MAP3K5: variants seen among roughly 807,000 people sequenced by gnomAD.
MAP3K5 encodes mitogen-activated protein kinase kinase kinase 5.
In MAP3K5, 56 loss-of-function variants were observed where a neutral mutation model predicts 158.7. The ratio of observed to expected loss-of-function variants is 0.35; its 90% CI spans 0.28 to 0.44. The LOEUF (loss-of-function observed/expected upper bound fraction) is 0.44. MAP3K5 is among the 20% of genes least tolerant of loss of function. The pLI is 1.00. For synonymous variants in MAP3K5, 579 were observed against 601.7 expected, an observed-to-expected ratio of 0.96 and a Z score of 0.55; for missense variants, 1,294 against 1,674.8, an observed-to-expected ratio of 0.77 and a Z score of 3.97.
chr6:136,682,535 G>T (rs1444849285), intron 7 of MAP3K5, among the ~76,000 whole-genome samples: 1 of 152,180 alleles, frequency 6.6e-6, no homozygotes, highest in Non-Finnish European at 1.5e-5. Context: ...GAATAGCACT[G>T]TCACTGACGT....
intron 1 of MAP3K5, 67 bp downstream of exon 1, chr6:136,791,643 C>G: frequency 6.5e-7 from 1 of 1,539,864 alleles, no homozygotes; most frequent in Non-Finnish European, 8.9e-7. Context: ...AAATGAAATG[C>G]CCCGAAGACC....
intron 24 of MAP3K5, among the ~76,000 whole-genome samples, chr6:136,582,956 A>G (rs1043823109): frequency 1.1e-4 from 16 of 152,308 alleles, no homozygotes; most frequent in South Asian, 4.1e-4. Flanking sequence ...TAGCAACTCA[A>G]TTTTGGAGAG....
intron 1 of MAP3K5, among the ~76,000 whole-genome samples, chr6:136,759,487 T>C (rs1475117043): frequency 6.9e-6 from 1 of 144,056 alleles, no homozygotes; most frequent in African/African-American, 2.6e-5. Context: ...TATATAAAGT[T>C]TGAGACAGAG....
intron 25 of MAP3K5, among the ~76,000 whole-genome samples, chr6:136,573,912 C>G (rs1300418493): frequency 6.6e-6 from 1 of 151,320 alleles, no homozygotes; most frequent in Admixed American, 6.6e-5. Flanking sequence ...ATAACTAGAC[C>G]AAGTTTCTTT....
intron 1 of MAP3K5, among the ~76,000 whole-genome samples, chr6:136,760,395 A>G (rs990057601): frequency 6.6e-6 from 1 of 152,216 alleles, no homozygotes; most frequent in African/African-American, 2.4e-5. Flanking sequence ...CATAACAACT[A>G]AAAGAAAAGG....
intron 21 of MAP3K5, among the ~76,000 whole-genome samples, chr6:136,593,208 C>T (rs1339497961): frequency 6.6e-6 from 1 of 152,164 alleles, no homozygotes; most frequent in African/African-American, 2.4e-5. Context: ...AACAGATGGA[C>T]TAGATGATCT....
chr6:136,611,298 A>G lies in MAP3K5; in HGVS notation c.2505T>C (p.Cys835=). The G allele has an allele frequency of 2.5e-6, 4 of 1,611,142 alleles. No individual in the cohort carries two copies. Among genetic ancestry groups the G allele is most frequent in the Non-Finnish European group, 2.5e-6 (3 of 1,177,426 alleles). Residue 835 remains cysteine, a synonymous_variant, in exon 18 of 30, where the codon TGT becomes TGC. Transcript: ENST00000359015. Reference sequence around the variant, plus strand: ...AAAACATACCAGTAAAAGTTTCAGTACAGGGGTTTATGCCAGCAAGCCTCT... The same window carrying G: ...AAAACATACCAGTAAAAGTTTCAGTGCAGGGGTTTATGCCAGCAAGCCTCT... The part of the protein sequence containing the change: ...TSKRLAGINP[C]TETFTGTLQY...
intron 15 of MAP3K5, among the ~76,000 whole-genome samples, chr6:136,619,989 G>A (rs1486886914): frequency 1.3e-5 from 2 of 152,224 alleles, no homozygotes; most frequent in African/African-American, 4.8e-5. Flanking sequence ...TGGGTTCACG[G>A]CCTGGCGTGG....
At chr6:136,626,564 G>A (rs1021348527) in intron 14 of MAP3K5, among the ~76,000 whole-genome samples, 3 of 152,074 alleles carry the variant, frequency 2.0e-5, no homozygotes, top group Non-Finnish European at 4.4e-5. Context: ...TCCAAACAAC[G>A]CCACCTGAAG....
chr6:136,773,701 G>A lies in MAP3K5; in HGVS notation c.448+18009C>T, dbSNP rs531066991. Among the ~76,000 whole-genome samples, 19 of 152,286 alleles carry A rather than the reference G, an allele frequency of 1.2e-4. No homozygotes were observed. In the East Asian group the frequency reaches 3.5e-3, roughly 28 times the overall value. ...CTGGCTGTTTCACCCAGGCTGGAGT[G>A]CAGTGGTACGATCTCAGCTCACTGC... On this transcript the variant is annotated intron_variant, in intron 1 of 29. Transcript: ENST00000359015.
chr6:136,585,694 G>A (rs1378594037), intron 23 of MAP3K5, among the ~76,000 whole-genome samples: 1 of 151,352 alleles, frequency 6.6e-6, no homozygotes, highest in African/African-American at 2.4e-5. Context: ...CTGAGGTTTC[G>A]CCATGTTGGC....
At position 136,764,894 on chromosome 6, in the gene MAP3K5, A is replaced by G. The variant is rs146542742; in HGVS notation, c.448+26816T>C. ...CTAATTGATGTGTTTGTCTCACTGC[A>G]TCTCAGAAGCTGGGACAAGTGACTC... is the stretch of plus-strand genomic sequence containing the variant. On this transcript the variant is annotated intron_variant, in intron 1 of 29. Transcript: ENST00000359015. Among the ~76,000 whole-genome samples the G allele has an allele frequency of 5.1e-3, 770 of 152,354 alleles. 7 individuals are homozygous for G. The highest frequency in any genetic ancestry group is 0.018 in the African/African-American group (731 of 41,582).
At chr6:136,789,580 A>G (rs1200460101) in intron 1 of MAP3K5, among the ~76,000 whole-genome samples, 2 of 151,508 alleles carry the variant, frequency 1.3e-5, no homozygotes, top group Non-Finnish European at 2.9e-5. Context: ...GATCTTTGCC[A>G]GCTCACTCAC....
At chr6:136,570,473 G>A (rs910127372) in intron 25 of MAP3K5, among the ~76,000 whole-genome samples, 12 of 152,144 alleles carry the variant, frequency 7.9e-5, no homozygotes, top group Admixed American at 3.9e-4. Flanking sequence ...CTCTAGTCCC[G>A]GTCCTGTAAC....
At chr6:136,591,496 A>C (rs1286727848) in intron 23 of MAP3K5, among the ~76,000 whole-genome samples, 1 of 152,222 alleles carries the variant, frequency 6.6e-6, no homozygotes, top group Admixed American at 6.5e-5. Context: ...ATTTATTTCA[A>C]TGTAGAATAT....
chr6:136,670,007 T>A (rs1027668884), intron 7 of MAP3K5, among the ~76,000 whole-genome samples: 13 of 151,868 alleles, frequency 8.6e-5, no homozygotes, highest in African/African-American at 2.9e-4. Flanking sequence ...GCACTGAGGA[T>A]AGGTAACACA....
At chr6:136,675,100 A>C (rs1779649600) in intron 7 of MAP3K5, among the ~76,000 whole-genome samples, 1 of 151,970 alleles carries the variant, frequency 6.6e-6, no homozygotes, top group Admixed American at 6.5e-5. Flanking sequence ...AAGAGAAAAA[A>C]GGAACGTTTC....
intron 7 of MAP3K5, 86 bp from the exon 8 acceptor site, chr6:136,669,481 G>T: frequency 1.3e-6 from 1 of 754,860 alleles, no homozygotes. Context: ...TAACTCCAAT[G>T]CCTGAGCAAG....
At position 136,779,641 on chromosome 6, in the gene MAP3K5, T is replaced by C. The variant is rs185310221; in HGVS notation, c.448+12069A>G. On this transcript the variant is annotated intron_variant, in intron 1 of 29. Transcript: ENST00000359015. ...GCTAGCCCTCTAAAATATAAGGACC[T>C]TTTTCCTTCATAAAATAGGCTTATT... is the stretch of plus-strand genomic sequence containing the variant. 3.3e-5 allele frequency among the ~76,000 whole-genome samples: 5 copies of C among 152,276 alleles called. No homozygotes were observed. In the East Asian group the frequency reaches 9.6e-4, roughly 29 times the overall value.
Sources: gnomAD v4.1 joint callset for allele counts (sites outside exome capture counted in the v4.1 genomes callset) on GRCh38, gnomAD v4.1.1 for gene constraint, MANE v1.5 for transcripts, NCBI Gene and HGNC (gene_info 2026-07-23, HGNC 2026-07-21) for gene names.